PRAMEF1: variants seen among roughly 807,000 people sequenced by gnomAD.
PRAMEF1 encodes PRAME family member 1.
Under a neutral mutation model 38.2 loss-of-function variants are expected in PRAMEF1, and 21 were observed. That is an observed-to-expected ratio of 0.55 (90% CI 0.39 to 0.79). PRAMEF1 has a LOEUF of 0.79. Ranked by LOEUF, PRAMEF1 falls within the 30% of genes least tolerant of loss-of-function variation. PRAMEF1 has a pLI of 0.00. For synonymous variants in PRAMEF1, 200 were observed against 229.0 expected (o/e 0.87, Z 1.14); for missense variants, 497 against 565.8 (o/e 0.88, Z 1.23).
chr1:12,795,048 T>G lies in PRAMEF1; in HGVS notation c.867-390T>G, dbSNP rs60161520. On this transcript the variant is annotated intron_variant, in intron 3 of 3. Transcript: ENST00000332296. ...GAGAGTGGTAAAAAGTGACAGTTGG[T>G]TTGCAGATGCAGGCATGTCAGGGAG... 6.3e-6 allele frequency: 7 copies of G among 1,116,800 alleles called. No individual in the cohort carries two copies. The African/African-American group carries it at 1.1e-4, about 18-fold the overall frequency. The allele number at this position is 1,116,800 out of a possible 1,614,324, so 69.2% of individuals were successfully genotyped here.
At position 12,795,637 on chromosome 1, in the gene PRAMEF1, T is replaced by C. The variant is rs1199645903; in HGVS notation, c.1066T>C (p.Leu356=). ...TGCTGCCTCTCTCAAAACCCTCATCTTGGAGGGCTGTCAGATCCACTACTC... is the reference window on the plus strand; with the variant it reads ...TGCTGCCTCTCTCAAAACCCTCATCCTGGAGGGCTGTCAGATCCACTACTC... ...KIAASLKTLI[L]EGCQIHYSQL... Residue 356 remains leucine, a synonymous_variant, in exon 4 of 4, where the codon TTG becomes CTG. Transcript: ENST00000332296. 1 of 1,611,456 alleles carries C rather than the reference T, an allele frequency of 6.2e-7. No individual in the cohort carries two copies. The highest frequency in any genetic ancestry group is 8.5e-7 in the Non-Finnish European group (1 of 1,179,658).
Position 12,795,523 on chromosome 1 carries a change from A to T in PRAMEF1, c.952A>T (p.Ser318Cys). Residue 318 changes from serine (S) to cysteine (C), a missense_variant, in exon 4 of 4, where the codon AGC becomes TGC. Ser to Cys is a moderately radical substitution (Grantham distance 112, BLOSUM62 -1). Around this residue, in one of 2 missense-constraint regions of PRAMEF1, gnomAD observed 470 missense variants for 501.9 expected, o/e 0.94. Transcript: ENST00000332296. ...CATGAAGTGTCTCTCCCAGTACCCA[A>T]GCCTCGGTTACCTAAAGCATCTGAA... is the stretch of plus-strand genomic sequence containing the variant. ...EDMKCLSQYP[S>C]LGYLKHLNLS... The T allele has an allele frequency of 6.2e-7, 1 of 1,612,432 alleles. No homozygotes were observed.
At position 12,795,890 on chromosome 1, in the gene PRAMEF1, C is replaced by T; in HGVS notation, c.1319C>T (p.Thr440Ile). 1 of 1,611,078 alleles carries T rather than the reference C, an allele frequency of 6.2e-7. No homozygotes were observed. Among genetic ancestry groups the T allele is most frequent in the Non-Finnish European group, 8.5e-7 (1 of 1,179,702 alleles). The change falls in exon 4 of 4, where the codon ACA becomes ATA. Residue 440 changes from threonine (T) to isoleucine (I), a missense_variant. Thr to Ile is a moderately conservative substitution (Grantham distance 89). This residue lies in a region of PRAMEF1 where 27 missense variants were observed against 63.9 expected (regional missense o/e 0.42). Coordinates refer to ENST00000332296, the MANE Select transcript of PRAMEF1 (RefSeq NM_023013.4). Reference sequence around the variant, plus strand: ...CCACTTCGGGCTGAGCTGATGTGTACACTGAGGGAAGTCAGGCAGCCCAAG... The same window carrying T: ...CCACTTCGGGCTGAGCTGATGTGTATACTGAGGGAAGTCAGGCAGCCCAAG... ...FTPLRAELMC[T>I]LREVRQPKRI...
chr1:12,796,246 T>A lies in PRAMEF1; in HGVS notation c.*250T>A. 5.1e-6 allele frequency: 3 copies of A among 593,678 alleles called. No individual in the cohort carries two copies. Among genetic ancestry groups the A allele is most frequent in the Non-Finnish European group, 5.7e-6 (2 of 352,066 alleles). 36.8% of individuals were successfully genotyped at this position (593,678 alleles called of 1,614,324 possible). Reference sequence around the variant, plus strand: ...AAAGTGCTGGGATTACTGGCATGAGTGACTGTGTCCAGGCCACATGCAACT... The same window carrying A: ...AAAGTGCTGGGATTACTGGCATGAGAGACTGTGTCCAGGCCACATGCAACT... On this transcript the variant is annotated 3_prime_UTR_variant, in exon 4 of 4. Coordinates refer to ENST00000332296, the MANE Select transcript of PRAMEF1 (RefSeq NM_023013.4).
Position 12,794,252 on chromosome 1 carries a change from G to C in PRAMEF1, c.625G>C (p.Glu209Gln), listed in dbSNP as rs201717831. ...AATAATATACCTGAATAGTATTCAA[G>C]AGCTGGAAATTCGCAACATGTCCTG... ...LKIIYLNSIQ[E>Q]LEIRNMSWPR... The change falls in exon 3 of 4, where the codon GAG becomes CAG. Residue 209 changes from glutamate to glutamine, a missense_variant. By Grantham distance (29) the Glu-to-Gln change is conservative (BLOSUM62 2). Around this residue, in one of 2 missense-constraint regions of PRAMEF1, gnomAD observed 470 missense variants for 501.9 expected, o/e 0.94. Transcript: ENST00000332296. The C allele has an allele frequency of 1.7e-5, 27 of 1,611,684 alleles. No individual in the cohort carries two copies. Among genetic ancestry groups the C allele is most frequent in the Middle Eastern group, 1.6e-4 (1 of 6,068 alleles).
At position 12,793,906 on chromosome 1, in the gene PRAMEF1, T is replaced by G. The variant is rs760200988; in HGVS notation, c.288-9T>G. The G allele has an allele frequency of 6.2e-7, 1 of 1,608,476 alleles. No homozygotes were observed. Among genetic ancestry groups the G allele is most frequent in the Admixed American group, 1.7e-5 (1 of 59,698 alleles). The stretch of plus-strand genomic sequence containing the variant: ...TAAATTCTGAGTCTCTCCCTTACTT[T>G]ACCCACAGGAGGTGGAAACTTCAAG... On this transcript the variant is annotated splice_polypyrimidine_tract_variant and intron_variant, in intron 2 of 3. Transcript: ENST00000332296.
At chr1:12,793,135 G>A in intron 1 of PRAMEF1, 68 bp from the exon 2 acceptor site, 1 of 1,560,066 alleles carries the variant, frequency 6.4e-7, no homozygotes, top group South Asian at 1.2e-5. Flanking sequence ...ATTCTTCCTG[G>A]TACCAGTAGA....
At position 12,794,197 on chromosome 1, in the gene PRAMEF1, G is replaced by A. The variant is rs577183721; in HGVS notation, c.570G>A (p.Thr190=). 2.7e-4 allele frequency: 435 copies of A among 1,611,362 alleles called. 11 individuals are homozygous for A. In the South Asian group the frequency reaches 4.1e-3, roughly 15 times the overall value. The part of the protein sequence containing the change: ...LCCSKLVNYL[T]PIKYLRKSLK... ...GTAGTAAGCTGGTCAATTATCTAAC[G>A]CCGATTAAATATCTCAGAAAGTCAT... Residue 190 remains threonine, a synonymous_variant, in exon 3 of 4, where the codon ACG becomes ACA. Coordinates refer to ENST00000332296, the MANE Select transcript of PRAMEF1 (RefSeq NM_023013.4).
At position 12,793,947 on chromosome 1, in the gene PRAMEF1, A is replaced by T. The variant is rs1477250599; in HGVS notation, c.320A>T (p.Asp107Val). The T allele has an allele frequency of 6.2e-7, 1 of 1,608,898 alleles. No individual in the cohort carries two copies. Among genetic ancestry groups the T allele is most frequent in the African/African-American group, 1.3e-5 (1 of 74,584 alleles). The change falls in exon 3 of 4, where the codon GAT becomes GTT. Residue 107 changes from aspartate to valine, a missense_variant. By Grantham distance (152) the Asp-to-Val change is radical (BLOSUM62 -3). Around this residue, in one of 2 missense-constraint regions of PRAMEF1, gnomAD observed 470 missense variants for 501.9 expected, o/e 0.94. Transcript: ENST00000332296. ...AAACTTCAAGTGCTGGATTTGCGGG[A>T]TGTTGACGAGAATTTCTGGGCCAGA... is the stretch of plus-strand genomic sequence containing the variant. ...RWKLQVLDLRDVDENFWARWP... is the reference protein window; with the variant it reads ...RWKLQVLDLRVVDENFWARWP...
At chr1:12,792,183 A>G (rs1271642199) in intron 1 of PRAMEF1, among the ~76,000 whole-genome samples, 1 of 150,882 alleles carries the variant, frequency 6.6e-6, no homozygotes, top group Non-Finnish European at 1.5e-5. Context: ...CACCATGCCC[A>G]GCTAATTTTT....
intron 1 of PRAMEF1, among the ~76,000 whole-genome samples, chr1:12,792,611 CTG>C (rs1189810823): frequency 6.6e-6 from 1 of 151,286 alleles, no homozygotes; most frequent in African/African-American, 2.4e-5. Context: ...GAGTCCAAGT[CTG>C]TCACCCAGGC....
At position 12,796,166 on chromosome 1, in the gene PRAMEF1, G is replaced by C; in HGVS notation, c.*170G>C. On this transcript the variant is annotated 3_prime_UTR_variant, in exon 4 of 4. Transcript: ENST00000332296. ...ATTTGAGACAGGGTTTCGCTGTGTT[G>C]CTCCAGCTGGTCTCAAACTGCTGGG... 1 of 1,297,172 alleles carries C rather than the reference G, an allele frequency of 7.7e-7. No homozygotes were observed. Among genetic ancestry groups the C allele is most frequent in the Non-Finnish European group, 1.0e-6 (1 of 969,486 alleles). The allele number at this position is 1,297,172 out of a possible 1,614,324, so 80.4% of individuals were successfully genotyped here.
chr1:12,794,898 C>A, intron 3 of PRAMEF1: 2 of 1,325,764 alleles, frequency 1.5e-6, no homozygotes, highest in Non-Finnish European at 2.0e-6. Context: ...CTGTCCTCAC[C>A]GGCTTAGTGA....
rs572373336 is a variant in PRAMEF1 at position 12,795,572 on chromosome 1, G to A, written c.1001G>A (p.Arg334His). ...HLNLSYVLLF[R>H]ISLEPLGALL... Reference sequence around the variant, plus strand: ...AATCTCAGCTACGTGCTGCTGTTCCGCATCAGTCTTGAACCCCTCGGAGCT... The same window carrying A: ...AATCTCAGCTACGTGCTGCTGTTCCACATCAGTCTTGAACCCCTCGGAGCT... The change falls in exon 4 of 4, where the codon CGC (arginine) becomes CAC (histidine). Residue 334 changes from arginine to histidine, a missense_variant. Arg to His is a conservative substitution (Grantham distance 29, BLOSUM62 0). Coordinates refer to ENST00000332296, the MANE Select transcript of PRAMEF1 (RefSeq NM_023013.4). 46 of 1,612,220 alleles carry A rather than the reference G, an allele frequency of 2.9e-5. No individual in the cohort carries two copies. The highest frequency in any genetic ancestry group is 1.6e-4 in the South Asian group (15 of 90,980).
rs1462103479 is a variant in PRAMEF1 at position 12,794,236 on chromosome 1, C to A, written c.609C>A (p.Tyr203Ter). The change falls in exon 3 of 4, where the codon TAC (tyrosine) becomes TAA (stop). Residue 203 changes from tyrosine (Y) to a stop codon, truncating the protein, a stop_gained. Transcript: ENST00000332296. LOFTEE classifies it high-confidence loss of function. Reference sequence around the variant, plus strand: ...TCAGAAAGTCATTGAAAATAATATACCTGAATAGTATTCAAGAGCTGGAAA... The same window carrying A: ...TCAGAAAGTCATTGAAAATAATATAACTGAATAGTATTCAAGAGCTGGAAA... ...KYLRKSLKII[Y>*]LNSIQELEIR... 1.9e-5 allele frequency: 30 copies of A among 1,611,502 alleles called. No individual in the cohort carries two copies. Among genetic ancestry groups the A allele is most frequent in the Non-Finnish European group, 2.5e-5 (30 of 1,178,532 alleles).
At chr1:12,792,628 G>C (rs1200350774) in intron 1 of PRAMEF1, among the ~76,000 whole-genome samples, 2 of 151,328 alleles carry the variant, frequency 1.3e-5, no homozygotes, top group African/African-American at 2.4e-5. Flanking sequence ...CCAGGCTGGA[G>C]AGCAGTGGTG....
At position 12,796,321 on chromosome 1, in the gene PRAMEF1, A is replaced by T; in HGVS notation, c.*325A>T. 1 of 390,802 alleles carries T rather than the reference A, an allele frequency of 2.6e-6. No individual in the cohort carries two copies. Among genetic ancestry groups the T allele is most frequent in the Admixed American group, 4.4e-5 (1 of 22,766 alleles). The allele number at this position is 390,802 out of a possible 1,614,324, so 24.2% of individuals were successfully genotyped here. On this transcript the variant is annotated 3_prime_UTR_variant, in exon 4 of 4. Transcript: ENST00000332296. ...AGTGTGAGGGAAAAAACATAACAGC[A>T]GGGGGCAAGGTTGGAGGAAAATGTT...
In PRAMEF1 at chr1:12,794,510, C is replaced by A; in HGVS notation, c.866+17C>A. On this transcript the variant is annotated intron_variant, in intron 3 of 3. Transcript: ENST00000332296. Reference sequence around the variant, plus strand: ...GCTGATCAGGTGAGAAAGGATCATGCACTTTGTATGCAGACCACAGCATAG... The same window carrying A: ...GCTGATCAGGTGAGAAAGGATCATGAACTTTGTATGCAGACCACAGCATAG... 1 of 1,609,162 alleles carries A rather than the reference C, an allele frequency of 6.2e-7. No homozygotes were observed. The highest frequency in any genetic ancestry group is 1.1e-5 in the South Asian group (1 of 90,478).
rs1639324351 is a variant in PRAMEF1 at position 12,793,219 on chromosome 1, T to C, written c.-9T>C. The C allele has an allele frequency of 6.2e-7, 1 of 1,606,730 alleles. No homozygotes were observed. The highest frequency in any genetic ancestry group is 8.5e-7 in the Non-Finnish European group (1 of 1,177,100). On this transcript the variant is annotated 5_prime_UTR_variant, in exon 2 of 4. Coordinates refer to ENST00000332296, the MANE Select transcript of PRAMEF1 (RefSeq NM_023013.4). ...GTCTTCTAGAGATTTTCCTTGCAGA[T>C]CTATCAGGATGAGCATCCAGGCCCC...
Sources: gnomAD v4.1 joint callset for allele counts (sites outside exome capture counted in the v4.1 genomes callset) on GRCh38, gnomAD v4.1.1 for gene constraint, gnomAD v4.1.1 regional missense constraint, MANE v1.5 for transcripts, NCBI Gene and HGNC (gene_info 2026-07-23, HGNC 2026-07-21) for gene names.